SNED1: variants seen among roughly 807,000 people sequenced by gnomAD.
SNED1 encodes the protein sushi, nidogen and EGF like domains 1, also known as sushi, nidogen and EGF-like domain-containing protein 1.
SNED1 carries 81 observed loss-of-function variants against 166.7 expected under a neutral mutation model. That is an observed-to-expected ratio of 0.49 (90% confidence interval 0.41 to 0.58). The LOEUF (loss-of-function observed/expected upper bound fraction) is 0.58, where lower values mean the gene tolerates loss of function less well. Among genes scored for constraint, SNED1 ranks in the 20% least tolerant of loss-of-function variants. SNED1 has a pLI of 0.00. For missense variants in SNED1, 1,604 were observed against 2,000.2 expected (o/e 0.80, Z 3.78); for synonymous variants, 762 against 822.0 (o/e 0.93, Z 1.25).
Position 241,069,979 on chromosome 2 carries a change from G to C in SNED1, c.3367G>C (p.Val1123Leu). ...ARVTATSAHV[V>L]WDAPTPGSLL... ...AGTCACTGCCACCTCTGCCCACGTG[G>C]TCTGGGATGCCCCGACTCCAGGCAG... The change falls in exon 24 of 32, where the codon GTC (valine) becomes CTC (leucine). Residue 1123 changes from valine (V) to leucine (L), a missense_variant. Around this residue, in one of 2 missense-constraint regions of SNED1, gnomAD observed 1,237 missense variants for 1,620.8 expected, o/e 0.76. Transcript: ENST00000310397. This position sits in a 1 kb window ranked among gnomAD's most constrained non-coding sequence, Gnocchi z 4.9. 3 of 1,612,980 alleles carry C rather than the reference G, an allele frequency of 1.9e-6. No homozygotes were observed. Among genetic ancestry groups the C allele is most frequent in the Non-Finnish European group, 2.5e-6 (3 of 1,179,870 alleles).
chr2:241,079,363 G>A (rs2063212705), intron 27 of SNED1, among the ~76,000 whole-genome samples: 1 of 148,836 alleles, frequency 6.7e-6, no homozygotes, highest in Non-Finnish European at 1.5e-5. Flanking sequence ...AGTGAGCCAA[G>A]ATCGCCCCAC....
chr2:241,084,133 GA>G (rs913161433), intron 29 of SNED1, among the ~76,000 whole-genome samples: 1 of 107,046 alleles, frequency 9.3e-6, no homozygotes, highest in African/African-American at 5.3e-5. Context: ...CAGCGTCTAG[GA>G]TTTTTTTTTT....
At position 241,017,658 on chromosome 2, in the gene SNED1, C is replaced by T. The variant is rs144392925; in HGVS notation, c.214-12626C>T. Among the ~76,000 whole-genome samples, 109 of 152,328 alleles carry T rather than the reference C, an allele frequency of 7.2e-4. 3 individuals carry two copies. In the East Asian group the frequency reaches 0.019, roughly 26 times the overall value. On this transcript the variant is annotated intron_variant, in intron 1 of 31. Transcript: ENST00000310397. Reference sequence around the variant, plus strand: ...AAACTCAAATGTTCATACCAGTATACGCCATGCCAGCAGCCAGAACCAAAT... The same window carrying T: ...AAACTCAAATGTTCATACCAGTATATGCCATGCCAGCAGCCAGAACCAAAT...
chr2:241,023,458 CA>C (rs2060827134), intron 1 of SNED1, among the ~76,000 whole-genome samples: 1 of 150,124 alleles, frequency 6.7e-6, no homozygotes, highest in Non-Finnish European at 1.5e-5. Flanking sequence ...AATTTGTTGG[CA>C]ATTGCTTTAT....
chr2:241,083,695 T>TC (rs1448363478), intron 29 of SNED1, among the ~76,000 whole-genome samples: 2 of 152,206 alleles, frequency 1.3e-5, no homozygotes, highest in Admixed American at 1.3e-4. Context: ...CCACCAAGTA[T>TC]CCAACAAGAA....
At chr2:241,082,466 T>C (rs1038615682) in intron 29 of SNED1, 102 bp downstream of exon 29, 1 of 803,984 alleles carries the variant, frequency 1.2e-6, no homozygotes, top group Non-Finnish European at 2.1e-6. Flanking sequence ...GGAGGGACGA[T>C]GGCTGCAGTC....
chr2:241,062,638 G>A (rs965029564), intron 16 of SNED1, among the ~76,000 whole-genome samples, 153 bp from the exon 17 acceptor site: 2 of 152,156 alleles, frequency 1.3e-5, no homozygotes, highest in African/African-American at 4.8e-5. Flanking sequence ...GCCCTGCCCC[G>A]ACTCCAAGGA....
At position 241,087,932 on chromosome 2, in the gene SNED1, CCA is replaced by C. The variant is rs1331512167; in HGVS notation, c.4206-430_4206-429del. 1.5e-4 allele frequency: 62 copies of C among 408,730 alleles called. No individual in the cohort carries two copies. The East Asian group carries it at 2.1e-3, about 14-fold the overall frequency. The allele number at this position is 408,730 out of a possible 1,614,324, so 25.3% of individuals were successfully genotyped here. On this transcript the variant is annotated intron_variant, in intron 30 of 31. Coordinates refer to ENST00000310397, the MANE Select transcript of SNED1 (RefSeq NM_001080437.3). ...GTGAGAATATTATATGCTTTAGAAA[CCA>C]CAGAGTCGAAGCCTGTCATCGTCCT...
chr2:241,065,237 C>A, intron 20 of SNED1, 62 bp from the exon 21 acceptor site: 2 of 1,562,942 alleles, frequency 1.3e-6, no homozygotes, highest in Non-Finnish European at 8.7e-7. Context: ...CCGACGGGAG[C>A]CAGGCATGCA....
At chr2:241,020,930 C>T (rs957301940) in intron 1 of SNED1, among the ~76,000 whole-genome samples, 3 of 152,204 alleles carry the variant, frequency 2.0e-5, no homozygotes, top group African/African-American at 7.2e-5. Flanking sequence ...AGGACGGGAA[C>T]ATGCAGGCAG....
chr2:241,025,855 C>G (rs760563609), intron 1 of SNED1, among the ~76,000 whole-genome samples: 17 of 151,714 alleles, frequency 1.1e-4, no homozygotes, highest in Non-Finnish European at 2.4e-4. Flanking sequence ...TGCAATGCCC[C>G]TAATGGTAAC....
chr2:241,028,097 A>T (rs13432974), intron 1 of SNED1, among the ~76,000 whole-genome samples: 3 of 152,002 alleles, frequency 2.0e-5, no homozygotes, highest in Admixed American at 6.6e-5. Context: ...TTCTTTGGAG[A>T]AATGTCTGTT....
intron 1 of SNED1, among the ~76,000 whole-genome samples, chr2:241,023,888 CTTTTTT>C (rs34234341): frequency 1.1e-5 from 1 of 91,994 alleles, no homozygotes; most frequent in African/African-American, 4.7e-5. Context: ...TTTTTTTTTC[CTTTTTT>C]TTTTTTTTTT....
rs998458044 is a variant in SNED1 at position 241,068,049 on chromosome 2, T to C, written c.3194+102T>C. The C allele has an allele frequency of 2.4e-5, 26 of 1,101,232 alleles. 2 individuals carry two copies. The African/African-American group carries it at 2.5e-4, about 11-fold the overall frequency. The allele number at this position is 1,101,232 out of a possible 1,614,324, so 68.2% of individuals were successfully genotyped here. ...GGGCACATTCTCCGTGTGTGGACTG[T>C]ACCACCTGCCGCTCCTCACCTGAGC... On this transcript the variant is annotated intron_variant, in intron 22 of 31. Transcript: ENST00000310397. This position sits in a 1 kb window ranked among gnomAD's most constrained non-coding sequence, Gnocchi z 5.3.
At chr2:241,070,291 G>T in intron 24 of SNED1, 90 bp downstream of exon 24, 1 of 1,354,822 alleles carries the variant, frequency 7.4e-7, no homozygotes, top group Non-Finnish European at 9.9e-7. Context: ...CAGGGGCCTG[G>T]GATGCCAGGC....
chr2:241,039,126 C>T (rs1271144888), intron 6 of SNED1, among the ~76,000 whole-genome samples: 2 of 152,196 alleles, frequency 1.3e-5, no homozygotes, highest in African/African-American at 4.8e-5. Flanking sequence ...CAGGGGCTCC[C>T]TGATCTTGGA....
chr2:241,074,194 C>A (rs2062894406), intron 27 of SNED1: 1 of 152,162 alleles, frequency 6.6e-6, no homozygotes, highest in African/African-American at 2.4e-5. Flanking sequence ...CAAGGCCTTG[C>A]CCCCAGCTTC....
chr2:241,006,533 T>TA (rs1447877898), intron 1 of SNED1, among the ~76,000 whole-genome samples: 2 of 152,218 alleles, frequency 1.3e-5, no homozygotes, highest in Non-Finnish European at 2.9e-5. Flanking sequence ...CTCTTGAAGA[T>TA]ACGAGTTGCA....
In SNED1 at chr2:241,088,682, G is replaced by A. The variant is rs1575145546; in HGVS notation, c.*1+280G>A. 1.8e-5 allele frequency: 8 copies of A among 453,638 alleles called. No homozygotes were observed. In the East Asian group the frequency reaches 2.9e-4, roughly 17 times the overall value. The allele number at this position is 453,638 out of a possible 1,614,324, so 28.1% of individuals were successfully genotyped here. ...AATCCCACTCTCTCTCAAGGGAAATGTGGCCAAGAAACCCCTAGATCAGCT... is the reference window on the plus strand; with the variant it reads ...AATCCCACTCTCTCTCAAGGGAAATATGGCCAAGAAACCCCTAGATCAGCT... On this transcript the variant is annotated intron_variant, in intron 31 of 31. Transcript: ENST00000310397.
Sources: allele counts gnomAD v4.1 joint callset (sites outside exome capture counted in the v4.1 genomes callset), GRCh38; gene constraint gnomAD v4.1.1; regional missense constraint gnomAD v4.1.1; non-coding constraint Gnocchi (gnomAD v3.1); transcripts MANE v1.5; gene names NCBI Gene and HGNC (gene_info 2026-07-23, HGNC 2026-07-21).